The following PDE8A variants were observed in gnomAD, a reference collection of about 807,000 sequenced individuals.
The protein encoded by PDE8A is phosphodiesterase 8A.
PDE8A carries 59 observed loss-of-function variants against 105.0 expected under a neutral mutation model. The observed-to-expected ratio is 0.56, with a 90% confidence interval of 0.46 to 0.70. The LOEUF (loss-of-function observed/expected upper bound fraction) is 0.70. Ranked by LOEUF, PDE8A falls within the 30% of genes least tolerant of loss-of-function variation. The pLI is 0.00. For missense variants in PDE8A, 1,014 were observed against 1,045.9 expected (o/e 0.97, Z 0.42); for synonymous variants, 355 against 371.9 (o/e 0.95, Z 0.52).
intron 1 of PDE8A, among the ~76,000 whole-genome samples, chr15:84,993,708 C>T (rs1048766048): frequency 6.6e-5 from 10 of 151,176 alleles, no homozygotes; most frequent in Admixed American, 4.0e-4. Flanking sequence ...AGTAAGACCC[C>T]CATTCTCTAT....
chr15:85,022,148 C>CA (rs1341131033), intron 1 of PDE8A, among the ~76,000 whole-genome samples: 1 of 152,178 alleles, frequency 6.6e-6, no homozygotes, highest in Non-Finnish European at 1.5e-5. Flanking sequence ...AATTTTAACT[C>CA]ATGGGTAGCA....
At chr15:85,100,122 A>G (rs748941019) in intron 10 of PDE8A, 34 bp from the exon 11 acceptor site, 4 of 1,613,374 alleles carry the variant, frequency 2.5e-6, no homozygotes, top group Non-Finnish European at 3.4e-6. Flanking sequence ...ATTTTCAGCA[A>G]TCAGAACTAA....
At chr15:85,019,386 T>A in intron 1 of PDE8A, among the ~76,000 whole-genome samples, 1 of 152,030 alleles carries the variant, frequency 6.6e-6, no homozygotes. Context: ...AATTTTTGAT[T>A]TGAGTGATGG....
intron 3 of PDE8A, among the ~76,000 whole-genome samples, chr15:85,070,448 C>T (rs970997782): frequency 5.9e-5 from 9 of 152,060 alleles, no homozygotes; most frequent in African/African-American, 9.7e-5. Context: ...TGAGTGATTT[C>T]GGTATAGGCT....
At chr15:84,999,571 T>C (rs1309693657) in intron 1 of PDE8A, among the ~76,000 whole-genome samples, 4 of 151,398 alleles carry the variant, frequency 2.6e-5, no homozygotes, top group Admixed American at 2.0e-4. Flanking sequence ...TTGTTGTTGT[T>C]GTTGCTGTTT....
chr15:85,131,221 C>T (rs887889453), intron 20 of PDE8A, among the ~76,000 whole-genome samples: 1 of 152,114 alleles, frequency 6.6e-6, no homozygotes, highest in Non-Finnish European at 1.5e-5. Context: ...GTAGTTGGAT[C>T]ATGTTTTCTT....
intron 1 of PDE8A, among the ~76,000 whole-genome samples, chr15:85,046,968 CTAA>C (rs1239036268): frequency 6.6e-6 from 1 of 152,026 alleles, no homozygotes; most frequent in Non-Finnish European, 1.5e-5. Context: ...GTCTGATATC[CTAA>C]TATTATAACC....
chr15:85,013,431 ACTTTT>A (rs1448701773), intron 1 of PDE8A, among the ~76,000 whole-genome samples: 1 of 152,216 alleles, frequency 6.6e-6, no homozygotes, highest in Non-Finnish European at 1.5e-5. Context: ...GATAAATGAT[ACTTTT>A]CTTAAGGCAG....
chr15:85,105,569 T>C (rs1596524721), intron 11 of PDE8A, among the ~76,000 whole-genome samples: 2 of 152,270 alleles, frequency 1.3e-5, no homozygotes, highest in African/African-American at 4.8e-5. Flanking sequence ...TCACCCCCAC[T>C]GTTTTTCCAG....
intron 1 of PDE8A, among the ~76,000 whole-genome samples, chr15:84,999,613 T>A (rs759651700): frequency 6.0e-5 from 9 of 151,170 alleles, no homozygotes; most frequent in Non-Finnish European, 1.2e-4. Flanking sequence ...TCTCGCTCTG[T>A]CGCCAGGCTG....
At chr15:85,111,574 C>T (rs898038136) in intron 12 of PDE8A, among the ~76,000 whole-genome samples, 1 of 152,162 alleles carries the variant, frequency 6.6e-6, no homozygotes, top group African/African-American at 2.4e-5. Context: ...ACGCTTGTAC[C>T]AATATCACAA....
At chr15:85,096,799 T>C (rs1567282360) in intron 8 of PDE8A, among the ~76,000 whole-genome samples, 1 of 152,220 alleles carries the variant, frequency 6.6e-6, no homozygotes, top group Non-Finnish European at 1.5e-5. Context: ...TTTTTTGATA[T>C]AGCCCTTTTT....
At chr15:85,023,310 G>A (rs529261888) in intron 1 of PDE8A, among the ~76,000 whole-genome samples, 1 of 152,308 alleles carries the variant, frequency 6.6e-6, no homozygotes, top group African/African-American at 2.4e-5. Context: ...AATTCTTGGT[G>A]GCCTCAGTCT....
chr15:84,993,262 T>G (rs2079916773), intron 1 of PDE8A, among the ~76,000 whole-genome samples: 2 of 151,102 alleles, frequency 1.3e-5, no homozygotes, highest in South Asian at 4.2e-4. Flanking sequence ...GCTAACACGG[T>G]GAAACCCCGT....
intron 19 of PDE8A, among the ~76,000 whole-genome samples, chr15:85,124,584 C>T (rs1285560811): frequency 6.6e-6 from 1 of 152,110 alleles, no homozygotes; most frequent in Non-Finnish European, 1.5e-5. Context: ...TTTGTCTGCC[C>T]CCTGGTTTTC....
At chr15:84,981,749 G>C (rs893137937), upstream of PDE8A, among the ~76,000 whole-genome samples, 1 of 150,022 alleles carries the variant, frequency 6.7e-6, no homozygotes, top group East Asian at 2.0e-4. Flanking sequence ...CGCCTCCCCC[G>C]GGGGTCGTGC....
intron 1 of PDE8A, among the ~76,000 whole-genome samples, chr15:85,041,971 G>A (rs1737726869): frequency 1.3e-5 from 2 of 152,026 alleles, no homozygotes; most frequent in Non-Finnish European, 2.9e-5. Context: ...GTTTTCTTTT[G>A]AACGTAAGCA....
At chr15:84,985,347 T>C (rs1315327680) in intron 1 of PDE8A, among the ~76,000 whole-genome samples, 1 of 152,232 alleles carries the variant, frequency 6.6e-6, no homozygotes, top group East Asian at 1.9e-4. Context: ...GTTTATTCCT[T>C]TCGGGAGTTT....
At chr15:85,110,544 G>C (rs894394331) in intron 12 of PDE8A, among the ~76,000 whole-genome samples, 17 of 152,142 alleles carry the variant, frequency 1.1e-4, no homozygotes, top group African/African-American at 3.9e-4. Context: ...AATTGGAATC[G>C]TACAGTATGG....
Sources: allele counts gnomAD v4.1 joint callset (sites outside exome capture counted in the v4.1 genomes callset), GRCh38; gene constraint gnomAD v4.1.1; transcripts MANE v1.5; gene names NCBI Gene and HGNC (gene_info 2026-07-23, HGNC 2026-07-21).